Variants in LNPEP observed in about 807,000 individuals in gnomAD.
LNPEP encodes leucyl and cystinyl aminopeptidase.
In LNPEP, 64 loss-of-function variants were observed where a neutral mutation model predicts 120.6. That is an observed-to-expected ratio of 0.53 (90% confidence interval 0.43 to 0.65). The LOEUF is 0.65. Among genes scored for constraint, LNPEP ranks in the 30% least tolerant of loss-of-function variants. The probability of loss-of-function intolerance (pLI) is 0.00; values close to 1 mark genes in which losing one functional copy is unlikely to be tolerated. For synonymous variants in LNPEP, 435 were observed against 425.4 expected (o/e 1.02, Z -0.28); for missense variants, 1,057 against 1,200.0 (o/e 0.88, Z 1.76).
At chr5:96,960,727 A>G (rs1789581912) in intron 1 of LNPEP, among the ~76,000 whole-genome samples, 1 of 152,208 alleles carries the variant, frequency 6.6e-6, no homozygotes, top group African/African-American at 2.4e-5. Flanking sequence ...CTAGGCAGAA[A>G]ACTTTTCTAT....
chr5:97,011,439 A>G (rs752139155), intron 11 of LNPEP, among the ~76,000 whole-genome samples: 3 of 152,284 alleles, frequency 2.0e-5, no homozygotes, highest in Non-Finnish European at 4.4e-5. Flanking sequence ...TATGTTGTCC[A>G]GGCTGCTCTC....
intron 1 of LNPEP, 112 bp downstream of exon 1, chr5:96,936,286 T>C: frequency 1.5e-6 from 1 of 666,206 alleles, no homozygotes; most frequent in Non-Finnish European, 2.0e-6. Flanking sequence ...ACCGCGGGCT[T>C]CCCACGAGGG....
rs900687421 is a variant in LNPEP at position 96,993,898 on chromosome 5, A to G, written c.1334A>G (p.Tyr445Cys). The change falls in exon 6 of 18, where the codon TAT becomes TGT. Residue 445 changes from tyrosine to cysteine, a missense_variant. By Grantham distance (194) the Tyr-to-Cys change is radical. Coordinates refer to ENST00000231368, the MANE Select transcript of LNPEP (RefSeq NM_005575.3). Reference sequence around the variant, plus strand: ...ACCTTCCGAGAGGAGACACTTCTGTATGACAGTAACACTTCTTCAATGGCG... The same window carrying G: ...ACCTTCCGAGAGGAGACACTTCTGTGTGACAGTAACACTTCTTCAATGGCG... ...LLTFREETLLYDSNTSSMADR... is the reference protein window; with the variant it reads ...LLTFREETLLCDSNTSSMADR... The G allele has an allele frequency of 6.2e-7, 1 of 1,613,912 alleles. No individual in the cohort carries two copies. The highest frequency in any genetic ancestry group is 1.1e-5 in the South Asian group (1 of 91,074).
At chr5:96,950,909 T>G (rs1789304960) in intron 1 of LNPEP, among the ~76,000 whole-genome samples, 1 of 152,210 alleles carries the variant, frequency 6.6e-6, no homozygotes. Flanking sequence ...AGTGTAGTAG[T>G]CTGCTCTGGC....
intron 1 of LNPEP, among the ~76,000 whole-genome samples, chr5:96,972,424 C>T (rs1581994514): frequency 6.6e-6 from 1 of 152,114 alleles, no homozygotes. Flanking sequence ...CTTCCCTGCA[C>T]TGCTTGACCT....
intron 10 of LNPEP, 60 bp downstream of exon 10, chr5:97,006,293 A>G: frequency 2.1e-6 from 3 of 1,452,506 alleles, no homozygotes; most frequent in Non-Finnish European, 2.8e-6. Flanking sequence ...AAATATTTTT[A>G]AGTGTTTTAT....
Position 97,037,036 on chromosome 5 carries a change from T to C in LNPEP, c.*8503T>C, listed in dbSNP as rs145451196. The C allele has an allele frequency of 5.4e-4, 83 of 152,300 alleles. No homozygotes were observed. Among genetic ancestry groups the C allele is most frequent in the African/African-American group, 1.9e-3 (81 of 41,578 alleles). 9.4% of individuals were successfully genotyped at this position (152,300 alleles called of 1,614,324 possible). On this transcript the variant is annotated 3_prime_UTR_variant, in exon 18 of 18. Transcript: ENST00000231368. Reference sequence around the variant, plus strand: ...CATCAGTACAATAATACGCTGTGTATGTATGTGTATATAAAATGAGAATTA... The same window carrying C: ...CATCAGTACAATAATACGCTGTGTACGTATGTGTATATAAAATGAGAATTA...
intron 14 of LNPEP, 53 bp from the exon 15 acceptor site, chr5:97,024,468 T>C (rs528019827): frequency 6.5e-7 from 1 of 1,543,164 alleles, no homozygotes; most frequent in Non-Finnish European, 8.9e-7. Flanking sequence ...CTCTTCGCCT[T>C]TGTATTCAGA....
intron 1 of LNPEP, among the ~76,000 whole-genome samples, chr5:96,943,965 A>T (rs1789121512): frequency 6.6e-6 from 1 of 152,198 alleles, no homozygotes; most frequent in Non-Finnish European, 1.5e-5. Flanking sequence ...GAAGGAAGTT[A>T]AAGAAGGCTT....
intron 1 of LNPEP, among the ~76,000 whole-genome samples, chr5:96,948,242 C>T (rs1014758677): frequency 1.3e-5 from 2 of 151,986 alleles, no homozygotes; most frequent in Admixed American, 6.5e-5. Context: ...CTCAGCCTCC[C>T]GAGTAGCTGG....
At position 97,006,189 on chromosome 5, in the gene LNPEP, A is replaced by G; in HGVS notation, c.1902A>G (p.Arg634=). 6.2e-7 allele frequency: 1 copy of G among 1,604,648 alleles called. No individual in the cohort carries two copies. Among genetic ancestry groups the G allele is most frequent in the South Asian group, 1.1e-5 (1 of 89,196 alleles). Residue 634 remains arginine, a synonymous_variant, in exon 10 of 18, where the codon AGA becomes AGG. Coordinates refer to ENST00000231368, the MANE Select transcript of LNPEP (RefSeq NM_005575.3). ...AGGAACTTTTTATACAACAAGAGAG[A>G]TTCTTTTTAAATATGAAGCCTGAAA... The part of the protein sequence containing the change: ...KGKELFIQQE[R]FFLNMKPEIQ...
intron 5 of LNPEP, 23 bp downstream of exon 5, chr5:96,993,158 G>T: frequency 6.6e-7 from 1 of 1,511,108 alleles, no homozygotes; most frequent in South Asian, 1.3e-5. Flanking sequence ...TAGTGTGTCT[G>T]ATTTTTGTTA....
chr5:96,993,923 G>A lies in LNPEP; in HGVS notation c.1359G>A (p.Ala453=), dbSNP rs772474476. 59 of 1,613,738 alleles carry A rather than the reference G, an allele frequency of 3.7e-5. No individual in the cohort carries two copies. The East Asian group carries it at 6.5e-4, about 18-fold the overall frequency. Reference sequence around the variant, plus strand: ...ATGACAGTAACACTTCTTCAATGGCGGATAGAAAGCTGGTGACTAAAATCA... The same window carrying A: ...ATGACAGTAACACTTCTTCAATGGCAGATAGAAAGCTGGTGACTAAAATCA... The part of the protein sequence containing the change: ...LLYDSNTSSM[A]DRKLVTKIIA... Residue 453 remains alanine, a synonymous_variant, in exon 6 of 18, where the codon GCG becomes GCA. Coordinates refer to ENST00000231368, the MANE Select transcript of LNPEP (RefSeq NM_005575.3).
rs1360576181 is a variant in LNPEP at position 97,029,874 on chromosome 5, ATG to A, written c.*1342_*1343del. 1.3e-5 allele frequency: 2 copies of A among 152,190 alleles called. No homozygotes were observed. The highest frequency in any genetic ancestry group is 1.3e-4 in the Admixed American group (2 of 15,284). The allele number at this position is 152,190 out of a possible 1,614,324, so 9.4% of individuals were successfully genotyped here. On this transcript the variant is annotated 3_prime_UTR_variant, in exon 18 of 18. Coordinates refer to ENST00000231368, the MANE Select transcript of LNPEP (RefSeq NM_005575.3). ...AATACTGTACTTGAATTTTTGAGCT[ATG>A]CAGACTTATACCTAGATTGTTGTGT... is the stretch of plus-strand genomic sequence containing the variant.
chr5:96,992,409 G>C (rs1790410503), intron 4 of LNPEP, among the ~76,000 whole-genome samples: 1 of 152,168 alleles, frequency 6.6e-6, no homozygotes, highest in South Asian at 2.1e-4. Context: ...AGCATTGGAA[G>C]AAAAACTGGC....
chr5:96,969,531 A>G (rs1487451446), intron 1 of LNPEP, among the ~76,000 whole-genome samples: 2 of 151,944 alleles, frequency 1.3e-5, no homozygotes, highest in East Asian at 3.9e-4. Flanking sequence ...CCCAGTTCTG[A>G]TTTGTCCCTT....
intron 1 of LNPEP, among the ~76,000 whole-genome samples, chr5:96,977,292 A>G (rs1790020476): frequency 6.6e-6 from 1 of 152,080 alleles, no homozygotes. Flanking sequence ...AAGCTGAGGT[A>G]CGGAATACCA....
At chr5:96,961,885 A>G (rs1342087585) in intron 1 of LNPEP, among the ~76,000 whole-genome samples, 1 of 152,100 alleles carries the variant, frequency 6.6e-6, no homozygotes, top group Non-Finnish European at 1.5e-5. Context: ...TATTTGGATA[A>G]TTTCATAATT....
chr5:96,962,324 G>A (rs769520273), intron 1 of LNPEP, among the ~76,000 whole-genome samples: 5 of 152,138 alleles, frequency 3.3e-5, no homozygotes, highest in Non-Finnish European at 5.9e-5. Flanking sequence ...CTACTTAATA[G>A]CAAGTTCTTA....
Sources: gnomAD v4.1 joint callset for allele counts (sites outside exome capture counted in the v4.1 genomes callset) on GRCh38, gnomAD v4.1.1 for gene constraint, MANE v1.5 for transcripts, NCBI Gene and HGNC (gene_info 2026-07-23, HGNC 2026-07-21) for gene names.